XYLB: variants seen among roughly 807,000 people sequenced by gnomAD.
The protein encoded by XYLB is xylulose kinase.
In XYLB, 62 loss-of-function variants were observed where a neutral mutation model predicts 78.7. The observed-to-expected ratio is 0.79, with a 90% CI of 0.64 to 0.97. The LOEUF (loss-of-function observed/expected upper bound fraction) is 0.97, where lower values mean the gene tolerates loss of function less well. Among genes scored for constraint, XYLB ranks in the 50% least tolerant of loss-of-function variants. XYLB has a pLI of 0.00. For missense variants in XYLB, 687 were observed against 676.8 expected (o/e 1.02, Z -0.17); for synonymous variants, 245 against 247.4 (o/e 0.99, Z 0.09).
chr3:38,405,576 C>T (rs1051672309), intron 18 of XYLB, among the ~76,000 whole-genome samples: 4 of 152,166 alleles, frequency 2.6e-5, no homozygotes, highest in African/African-American at 4.8e-5. Context: ...CGAAGCAGGG[C>T]GAGGCATTGC....
At chr3:38,432,564 A>C in the XYLB span, among the ~76,000 whole-genome samples, 1 of 142,520 alleles carries the variant, frequency 7.0e-6, no homozygotes, top group Admixed American at 6.8e-5. Flanking sequence ...AGACTCCGTC[A>C]AAAAAAAAAT....
intron 16 of XYLB, among the ~76,000 whole-genome samples, chr3:38,395,866 T>C (rs1323272856): frequency 6.6e-6 from 1 of 152,236 alleles, no homozygotes; most frequent in Non-Finnish European, 1.5e-5. Context: ...CTAGTGCCAG[T>C]GTTCTTGTCT....
chr3:38,421,166 G>A (rs968281433), downstream of XYLB: 8 of 152,280 alleles, frequency 5.3e-5, no homozygotes, highest in Middle Eastern at 3.2e-3. Context: ...TGTCACCCCT[G>A]ATCCCCACTT....
intron 2 of XYLB, among the ~76,000 whole-genome samples, chr3:38,358,719 A>AT (rs1559576113): frequency 6.6e-6 from 1 of 152,132 alleles, no homozygotes; most frequent in African/African-American, 2.4e-5. Flanking sequence ...TGAAGGCAAC[A>AT]TTTTTTGGTG....
At chr3:38,353,059 A>G (rs78906313) in intron 2 of XYLB, among the ~76,000 whole-genome samples, 3,074 of 152,182 alleles carry the variant, frequency 0.02, 56 homozygotes, top group Non-Finnish European at 0.034. Context: ...CCACGCACAG[A>G]TATTTATGTC....
At chr3:38,445,333 A>C in the XYLB span, among the ~76,000 whole-genome samples, 3 of 152,174 alleles carry the variant, frequency 2.0e-5, no homozygotes, top group Non-Finnish European at 4.4e-5. Flanking sequence ...TTTGGGCAAA[A>C]ATTATGTCTA....
chr3:38,389,861 G>A (rs1707576600), intron 15 of XYLB, among the ~76,000 whole-genome samples: 1 of 152,116 alleles, frequency 6.6e-6, no homozygotes, highest in South Asian at 2.1e-4. Flanking sequence ...CTCTATATTG[G>A]AGACTCTTCC....
chr3:38,406,926 C>T (rs1471458934), intron 18 of XYLB, among the ~76,000 whole-genome samples: 4 of 151,152 alleles, frequency 2.6e-5, no homozygotes, highest in South Asian at 2.1e-4. Context: ...CTGAAAGTGA[C>T]GGGGAGAATG....
Position 38,370,039 on chromosome 3 carries a change from T to TTTCC in XYLB, c.647-7_647-4dup. 1 of 1,608,114 alleles carries TTTCC rather than the reference T, an allele frequency of 6.2e-7. No homozygotes were observed. The highest frequency in any genetic ancestry group is 1.7e-5 in the Admixed American group (1 of 60,016). ...CATTTTCAAGATTGTCTGTTGTTTG[T>TTTCC]TTCCTTCCTTCCTCAGGTTCTGGAA... On this transcript the variant is annotated splice_polypyrimidine_tract_variant and intron_variant, in intron 8 of 18. Transcript: ENST00000207870.
the XYLB span, among the ~76,000 whole-genome samples, chr3:38,441,289 A>T: frequency 4.3e-4 from 66 of 152,290 alleles, no homozygotes; most frequent in Non-Finnish European, 7.6e-4. Context: ...CCCAGTTCTA[A>T]GGCTCACGTA....
At chr3:38,382,543 A>G (rs2125619385) in intron 15 of XYLB, among the ~76,000 whole-genome samples, 1 of 152,332 alleles carries the variant, frequency 6.6e-6, no homozygotes, top group East Asian at 1.9e-4. Context: ...GACCACCATG[A>G]GCATTCTGAT....
chr3:38,383,461 C>A (rs1425062034), intron 15 of XYLB, among the ~76,000 whole-genome samples: 1 of 152,172 alleles, frequency 6.6e-6, no homozygotes, highest in African/African-American at 2.4e-5. Flanking sequence ...ATTGTAAAAA[C>A]AGTCAAATCT....
At chr3:38,381,416 G>A (rs6771945) in intron 15 of XYLB, among the ~76,000 whole-genome samples, 13,188 of 152,180 alleles carry the variant, frequency 0.087, 782 homozygotes, top group Middle Eastern at 0.19. Context: ...GTGTGTTTGA[G>A]CAATGTGAAG....
chr3:38,371,419 GC>G (rs1248181370), intron 9 of XYLB, among the ~76,000 whole-genome samples: 2 of 152,106 alleles, frequency 1.3e-5, no homozygotes, highest in Non-Finnish European at 2.9e-5. Flanking sequence ...GACTATAGGT[GC>G]CCGCCACCAC....
In XYLB at chr3:38,365,179, G is replaced by C; in HGVS notation, c.292-20G>C. 1.2e-6 allele frequency: 2 copies of C among 1,613,506 alleles called. No homozygotes were observed. Among genetic ancestry groups the C allele is most frequent in the Non-Finnish European group, 1.7e-6 (2 of 1,179,490 alleles). ...CACTGGTGTGTGGTCATGTGACCAT[G>C]TGCTTGGGTTTCCCAACAGCAACAC... On this transcript the variant is annotated intron_variant, in intron 4 of 18. Transcript: ENST00000207870.
intron 18 of XYLB, among the ~76,000 whole-genome samples, chr3:38,411,647 TAA>T (rs201414004): frequency 7.0e-6 from 1 of 142,040 alleles, no homozygotes; most frequent in African/African-American, 2.6e-5. Context: ...ATAAAGGATT[TAA>T]AAAAAAAAAA....
intron 15 of XYLB, among the ~76,000 whole-genome samples, chr3:38,391,081 T>A (rs1357029735): frequency 6.6e-6 from 1 of 152,012 alleles, no homozygotes; most frequent in Non-Finnish European, 1.5e-5. Context: ...TAGCCAGGCA[T>A]GGTGGCGGAC....
chr3:38,367,045 G>A (rs1093684), intron 7 of XYLB, among the ~76,000 whole-genome samples, 172 bp downstream of exon 7: 135,754 of 152,080 alleles, frequency 0.89, 61,194 homozygotes, highest in East Asian at 1. Flanking sequence ...AAGAGGAGGG[G>A]AAGAATGGAA....
At chr3:38,396,311 C>T (rs1210846144) in intron 16 of XYLB, among the ~76,000 whole-genome samples, 1 of 152,224 alleles carries the variant, frequency 6.6e-6, no homozygotes, top group Non-Finnish European at 1.5e-5. Context: ...TCTACTTCAG[C>T]TCCATCCTGG....
Sources: allele counts gnomAD v4.1 joint callset (sites outside exome capture counted in the v4.1 genomes callset), GRCh38; gene constraint gnomAD v4.1.1; transcripts MANE v1.5; gene names NCBI Gene and HGNC (gene_info 2026-07-23, HGNC 2026-07-21).